DKK2: variants seen among roughly 807,000 people sequenced by gnomAD.
The protein encoded by DKK2 is dickkopf Wnt signaling pathway inhibitor 2.
A neutral mutation model predicts 28.1 loss-of-function variants in DKK2; 11 were observed. The ratio of observed to expected loss-of-function variants is 0.39; its 90% CI spans 0.25 to 0.65. The LOEUF is 0.65. Among genes scored for constraint, DKK2 ranks in the 30% least tolerant of loss-of-function variants. The probability of loss-of-function intolerance (pLI) is 0.47; values close to 1 mark genes in which losing one functional copy is unlikely to be tolerated. For synonymous variants in DKK2, 135 were observed against 126.5 expected (o/e 1.07, Z -0.45); for missense variants, 326 against 335.5 (o/e 0.97, Z 0.22).
chr4:106,971,590 C>T (rs1722869202), intron 1 of DKK2, among the ~76,000 whole-genome samples: 1 of 152,028 alleles, frequency 6.6e-6, no homozygotes, highest in Admixed American at 6.6e-5. Context: ...AACAAAGTCC[C>T]CCTACATCCA....
chr4:106,954,292 TTTTTG>T (rs1722553116), intron 1 of DKK2, among the ~76,000 whole-genome samples: 1 of 152,144 alleles, frequency 6.6e-6, no homozygotes, highest in Non-Finnish European at 1.5e-5. Context: ...TTGAGTTCTT[TTTTTG>T]TTTTGTTTCT....
intron 1 of DKK2, among the ~76,000 whole-genome samples, chr4:106,974,328 G>A (rs1358240427): frequency 1.3e-5 from 2 of 152,066 alleles, no homozygotes; most frequent in Non-Finnish European, 2.9e-5. Flanking sequence ...AAATTACTTT[G>A]GGCAGTATGG....
rs969127817 is a variant in DKK2, at chr4:106,980,090, GA to G, written c.223-54142del. 5.9e-5 allele frequency among the ~76,000 whole-genome samples: 9 copies of G among 152,216 alleles called. 1 individual carries two copies. The highest frequency in any genetic ancestry group is 5.9e-4 in the Admixed American group (9 of 15,288). ...TCAAATGGTATGCTAGAAGAGCTCTGAAATAAAGTTTTAATTTAAACAAGGC... is the reference window on the plus strand; with the variant it reads ...TCAAATGGTATGCTAGAAGAGCTCTGAATAAAGTTTTAATTTAAACAAGGC... On this transcript the variant is annotated intron_variant, in intron 1 of 3. Coordinates refer to ENST00000285311, the MANE Select transcript of DKK2 (RefSeq NM_014421.3).
chr4:106,972,695 A>G (rs1722885536), intron 1 of DKK2, among the ~76,000 whole-genome samples: 1 of 152,074 alleles, frequency 6.6e-6, no homozygotes, highest in East Asian at 1.9e-4. Context: ...GGCCATGAGT[A>G]CCAATGTATG....
intron 1 of DKK2, among the ~76,000 whole-genome samples, chr4:106,947,977 C>T (rs558035265): frequency 9.2e-5 from 14 of 152,176 alleles, no homozygotes; most frequent in African/African-American, 2.6e-4. Context: ...GTAAACTGCT[C>T]GGTGGCATTT....
chr4:107,026,935 G>A (rs1723788985), intron 1 of DKK2, among the ~76,000 whole-genome samples: 1 of 152,038 alleles, frequency 6.6e-6, no homozygotes, highest in Non-Finnish European at 1.5e-5. Flanking sequence ...AAGAGAAAGT[G>A]GAACAGAGAG....
At chr4:106,974,170 AG>A (rs1231054805) in intron 1 of DKK2, among the ~76,000 whole-genome samples, 1 of 152,148 alleles carries the variant, frequency 6.6e-6, no homozygotes, top group Non-Finnish European at 1.5e-5. Flanking sequence ...GAAGTCAGGT[AG>A]CATGATGCCT....
At chr4:106,954,078 A>C (rs1454517128) in intron 1 of DKK2, among the ~76,000 whole-genome samples, 2 of 152,196 alleles carry the variant, frequency 1.3e-5, no homozygotes, top group African/African-American at 4.8e-5. Flanking sequence ...TGTTATTTAA[A>C]GTATGAAATA....
At chr4:106,947,057 G>A (rs1230071828) in intron 1 of DKK2, among the ~76,000 whole-genome samples, 1 of 152,056 alleles carries the variant, frequency 6.6e-6, no homozygotes, top group Non-Finnish European at 1.5e-5. Flanking sequence ...GCTTTTCTGG[G>A]TAGTCACAAC....
chr4:107,017,014 G>A (rs1723617106), intron 1 of DKK2, among the ~76,000 whole-genome samples: 2 of 151,946 alleles, frequency 1.3e-5, no homozygotes, highest in South Asian at 4.1e-4. Flanking sequence ...CACAAAAGGA[G>A]CGACTAGAGA....
intron 1 of DKK2, among the ~76,000 whole-genome samples, chr4:106,964,986 TA>T (rs1560581626): frequency 6.7e-6 from 1 of 150,282 alleles, no homozygotes; most frequent in African/African-American, 2.5e-5. Context: ...GATAGATAGA[TA>T]GATAGATAGA....
intron 1 of DKK2, among the ~76,000 whole-genome samples, chr4:106,932,468 T>G (rs760961875): frequency 2.0e-5 from 3 of 152,174 alleles, no homozygotes; most frequent in Non-Finnish European, 2.9e-5. Context: ...CTGTAGCATG[T>G]ACAATACTGA....
chr4:107,031,761 T>C (rs1287781178), intron 1 of DKK2, among the ~76,000 whole-genome samples: 1 of 151,980 alleles, frequency 6.6e-6, no homozygotes, highest in Non-Finnish European at 1.5e-5. Flanking sequence ...AAATAAGCAA[T>C]TACAAACACA....
At chr4:107,026,597 C>T (rs1309148295) in intron 1 of DKK2, among the ~76,000 whole-genome samples, 1 of 152,052 alleles carries the variant, frequency 6.6e-6, no homozygotes, top group Non-Finnish European at 1.5e-5. Flanking sequence ...TGGTAAGAAC[C>T]TACATAGCAT....
At chr4:106,936,412 G>A (rs1161848909) in intron 1 of DKK2, among the ~76,000 whole-genome samples, 2 of 151,664 alleles carry the variant, frequency 1.3e-5, no homozygotes, top group African/African-American at 4.9e-5. Flanking sequence ...GGGAAGTTTA[G>A]AGAAAAAAGA....
chr4:106,939,959 C>G (rs1030297911), intron 1 of DKK2, among the ~76,000 whole-genome samples: 6 of 152,114 alleles, frequency 3.9e-5, no homozygotes, highest in African/African-American at 1.4e-4. Context: ...AAAATCAATT[C>G]AAGATGGATT....
chr4:106,978,586 T>TC (rs1722977661), intron 1 of DKK2, among the ~76,000 whole-genome samples: 1 of 151,830 alleles, frequency 6.6e-6, no homozygotes, highest in Admixed American at 6.6e-5. Context: ...TGGATGCCCC[T>TC]CCCCCCACCA....
intron 1 of DKK2, among the ~76,000 whole-genome samples, chr4:106,926,571 G>A (rs772770775): frequency 1.4e-4 from 21 of 152,130 alleles, no homozygotes; most frequent in Non-Finnish European, 2.6e-4. Context: ...ATAAGCAGCA[G>A]TTGAGCTCCC....
chr4:107,025,526 G>A (rs939614157), intron 1 of DKK2, among the ~76,000 whole-genome samples: 1 of 152,170 alleles, frequency 6.6e-6, no homozygotes, highest in Non-Finnish European at 1.5e-5. Context: ...TGTTAGAAAA[G>A]TTTAAAAGCC....
Sources: allele counts gnomAD v4.1 joint callset (sites outside exome capture counted in the v4.1 genomes callset), GRCh38; gene constraint gnomAD v4.1.1; transcripts MANE v1.5; gene names NCBI Gene and HGNC (gene_info 2026-07-23, HGNC 2026-07-21).